PAPPA2: variants seen among roughly 807,000 people sequenced by gnomAD.
PAPPA2 encodes pappalysin 2.
Under a neutral mutation model 176.4 loss-of-function variants are expected in PAPPA2, and 86 were observed. The observed-to-expected ratio is 0.49, with a 90% CI of 0.41 to 0.58. The LOEUF (loss-of-function observed/expected upper bound fraction) is 0.58, where lower values mean the gene tolerates loss of function less well. PAPPA2 is among the 20% of genes least tolerant of loss of function. PAPPA2 has a pLI of 0.00. For missense variants in PAPPA2, 2,073 were observed against 2,256.9 expected, an observed-to-expected ratio of 0.92 and a Z score of 1.65; for synonymous variants, 809 against 852.2, an observed-to-expected ratio of 0.95 and a Z score of 0.88.
At chr1:176,604,925 GACTAC>G (rs1047895447) in intron 3 of PAPPA2, among the ~76,000 whole-genome samples, 12 of 151,994 alleles carry the variant, frequency 7.9e-5, no homozygotes, top group African/African-American at 2.7e-4. Flanking sequence ...GGTATTCAGA[GACTAC>G]ACTATAGTAA....
intron 3 of PAPPA2, among the ~76,000 whole-genome samples, chr1:176,666,035 A>C (rs1308925866): frequency 6.6e-6 from 1 of 152,148 alleles, no homozygotes. Context: ...TAAGAATAGA[A>C]GGGCTCCCAA....
chr1:176,750,536 C>A (rs867410701), intron 14 of PAPPA2, among the ~76,000 whole-genome samples: 2 of 151,770 alleles, frequency 1.3e-5, no homozygotes, highest in African/African-American at 4.8e-5. Flanking sequence ...ACCCGGGATG[C>A]GGAGGTTGCA....
chr1:176,691,507 G>C (rs868564047), intron 5 of PAPPA2, among the ~76,000 whole-genome samples: 1 of 152,202 alleles, frequency 6.6e-6, no homozygotes, highest in Middle Eastern at 3.2e-3. Flanking sequence ...CCTTTGAAGC[G>C]GGAAGAGGAA....
At chr1:176,823,493 A>G (rs903848846) in intron 21 of PAPPA2, among the ~76,000 whole-genome samples, 1 of 152,228 alleles carries the variant, frequency 6.6e-6, no homozygotes. Context: ...GAAGAATATG[A>G]ATTAATCAAG....
rs929408626 is a variant in PAPPA2, at chr1:176,670,854, C to T, written c.1992-116C>T. The T allele has an allele frequency of 1.3e-5, 17 of 1,336,460 alleles. 1 individual carries two copies. In the South Asian group the frequency reaches 2.0e-4, roughly 16 times the overall value. The allele number at this position is 1,336,460 out of a possible 1,614,324, so 82.8% of individuals were successfully genotyped here. A position where few individuals can be genotyped will look rare whatever the true frequency, so the allele number is the denominator to read the frequency against. On this transcript the variant is annotated intron_variant, in intron 3 of 22. Transcript: ENST00000367662. Reference sequence around the variant, plus strand: ...GACAGGCTGGTCTCTGCCCCATGCCCCTCCAAAAGGTAATGCTGGCTGGGA... The same window carrying T: ...GACAGGCTGGTCTCTGCCCCATGCCTCTCCAAAAGGTAATGCTGGCTGGGA...
At chr1:176,687,542 C>T (rs1659898227) in intron 4 of PAPPA2, among the ~76,000 whole-genome samples, 1 of 152,184 alleles carries the variant, frequency 6.6e-6, no homozygotes, top group East Asian at 1.9e-4. Context: ...GTCCACACTC[C>T]TGGTCATCCC....
chr1:176,617,031 A>G (rs542542448), intron 3 of PAPPA2, among the ~76,000 whole-genome samples: 3 of 152,288 alleles, frequency 2.0e-5, no homozygotes, highest in South Asian at 2.1e-4. Flanking sequence ...TACCCCATCC[A>G]GGTCAGAACT....
intron 3 of PAPPA2, among the ~76,000 whole-genome samples, chr1:176,634,958 G>A (rs1460169307): frequency 8.3e-6 from 1 of 120,276 alleles, no homozygotes; most frequent in African/African-American, 3.2e-5. Context: ...TAGATAGATA[G>A]ATAGATAAAT....
intron 21 of PAPPA2, among the ~76,000 whole-genome samples, chr1:176,819,380 A>G (rs1666563011): frequency 1.3e-5 from 2 of 152,068 alleles, no homozygotes; most frequent in Admixed American, 1.3e-4. Context: ...GACTCTGGGG[A>G]TGAGGAAGTT....
At chr1:176,719,933 C>G (rs535880888) in intron 12 of PAPPA2, among the ~76,000 whole-genome samples, 1 of 152,312 alleles carries the variant, frequency 6.6e-6, no homozygotes, top group South Asian at 2.1e-4. Flanking sequence ...CAGTCAGTGA[C>G]AGACTTTGAA....
intron 4 of PAPPA2, among the ~76,000 whole-genome samples, chr1:176,682,301 T>C (rs559882416): frequency 2.6e-5 from 4 of 152,256 alleles, no homozygotes; most frequent in Non-Finnish European, 5.9e-5. Flanking sequence ...GAAGTTTGGC[T>C]GTGAAGGCAT....
At chr1:176,709,581 C>T (rs1032253993) in intron 10 of PAPPA2, among the ~76,000 whole-genome samples, 1 of 152,096 alleles carries the variant, frequency 6.6e-6, no homozygotes, top group Non-Finnish European at 1.5e-5. Flanking sequence ...ATATGTAATA[C>T]CTGATAGGAT....
chr1:176,671,335 T>G (rs550873094), intron 4 of PAPPA2, among the ~76,000 whole-genome samples: 2 of 152,334 alleles, frequency 1.3e-5, no homozygotes, highest in South Asian at 2.1e-4. Context: ...ATGCTCAGGA[T>G]GTTCTAGACT....
intron 17 of PAPPA2, among the ~76,000 whole-genome samples, chr1:176,778,893 C>G (rs529082212): frequency 6.6e-6 from 1 of 152,242 alleles, no homozygotes; most frequent in African/African-American, 2.4e-5. Flanking sequence ...ATAATGTGTG[C>G]TTCAGGCTAA....
At position 176,595,239 on chromosome 1, in the gene PAPPA2, G is replaced by A; in HGVS notation, c.1635G>A (p.Glu545=). Reference sequence around the variant, plus strand: ...GCCTAAACCCCATTGTGAGTGAGGAGCAGATTCGTCTGCAGCACGAGGCAC... The same window carrying A: ...GCCTAAACCCCATTGTGAGTGAGGAACAGATTCGTCTGCAGCACGAGGCAC... ...DEGLNPIVSE[E]QIRLQHEALN... Residue 545 remains glutamate (E), a synonymous_variant, in exon 3 of 23, where the codon GAG becomes GAA. Coordinates refer to ENST00000367662, the MANE Select transcript of PAPPA2 (RefSeq NM_020318.3). 2 of 1,614,226 alleles carry A rather than the reference G, an allele frequency of 1.2e-6. No individual in the cohort carries two copies. The highest frequency in any genetic ancestry group is 8.5e-7 in the Non-Finnish European group (1 of 1,180,040).
intron 3 of PAPPA2, among the ~76,000 whole-genome samples, chr1:176,626,851 A>G (rs1242890006): frequency 6.8e-6 from 1 of 148,136 alleles, no homozygotes; most frequent in Non-Finnish European, 1.5e-5. Context: ...TGGCAATAAG[A>G]TTGAGTGTGT....
intron 17 of PAPPA2, among the ~76,000 whole-genome samples, chr1:176,775,903 G>A (rs1664439896): frequency 6.6e-6 from 1 of 152,148 alleles, no homozygotes; most frequent in Non-Finnish European, 1.5e-5. Context: ...ACACGTCTCT[G>A]AGACTTTTTT....
intron 2 of PAPPA2, among the ~76,000 whole-genome samples, chr1:176,563,443 G>A (rs966121710): frequency 1.3e-5 from 2 of 152,088 alleles, no homozygotes; most frequent in South Asian, 2.1e-4. Context: ...TGGCCTATGG[G>A]TCACATCAGG....
intron 3 of PAPPA2, among the ~76,000 whole-genome samples, chr1:176,621,595 G>A (rs1163279043): frequency 1.3e-5 from 2 of 152,088 alleles, no homozygotes; most frequent in African/African-American, 4.8e-5. Flanking sequence ...AATGGTGGTT[G>A]TTTTTGACAA....
Sources: gnomAD v4.1 joint callset for allele counts (sites outside exome capture counted in the v4.1 genomes callset) on GRCh38, gnomAD v4.1.1 for gene constraint, MANE v1.5 for transcripts, NCBI Gene and HGNC (gene_info 2026-07-23, HGNC 2026-07-21) for gene names.